Variants in ALDH2 observed in about 807,000 individuals in gnomAD.
ALDH2 encodes the protein aldehyde dehydrogenase, mitochondrial.
A neutral mutation model predicts 59.6 loss-of-function variants in ALDH2; 44 were observed. The observed-to-expected ratio is 0.74, with a 90% CI of 0.58 to 0.95. The LOEUF (loss-of-function observed/expected upper bound fraction) is 0.95. ALDH2 is among the 40% of genes least tolerant of loss of function. The pLI is 0.00. For synonymous variants in ALDH2, 291 were observed against 284.0 expected, an observed-to-expected ratio of 1.02 and a Z score of -0.25; for missense variants, 570 against 696.3, an observed-to-expected ratio of 0.82 and a Z score of 2.04.
At chr12:111,770,892 C>G (rs1848495623) in intron 1 of ALDH2, among the ~76,000 whole-genome samples, 1 of 152,024 alleles carries the variant, frequency 6.6e-6, no homozygotes, top group African/African-American at 2.4e-5. Flanking sequence ...CTCAGGTGAT[C>G]CACCTGCCCT....
chr12:111,784,880 T>C (rs2068298377), intron 3 of ALDH2, among the ~76,000 whole-genome samples: 1 of 152,152 alleles, frequency 6.6e-6, no homozygotes, highest in African/African-American at 2.4e-5. Context: ...TAGCTGCAAG[T>C]CACTACATCC....
intron 4 of ALDH2, among the ~76,000 whole-genome samples, chr12:111,789,051 T>C (rs557590013): frequency 2.1e-5 from 3 of 141,560 alleles, no homozygotes; most frequent in Non-Finnish European, 4.6e-5. Context: ...AGAGTCTCGC[T>C]CTGTTGCCCA....
At chr12:111,805,675 A>G (rs187785074) in intron 12 of ALDH2, among the ~76,000 whole-genome samples, 29 of 152,184 alleles carry the variant, frequency 1.9e-4, no homozygotes, top group Admixed American at 1.2e-3. Flanking sequence ...TTGAAGAGTC[A>G]TGTTCGCCAA....
intron 1 of ALDH2, among the ~76,000 whole-genome samples, chr12:111,779,843 C>T (rs941439024): frequency 4.6e-5 from 7 of 152,226 alleles, no homozygotes; most frequent in Non-Finnish European, 2.9e-5. Context: ...CCAAGACCAT[C>T]GCCCAGTGCC....
At chr12:111,767,286 A>G (rs2136004250) in intron 1 of ALDH2, among the ~76,000 whole-genome samples, 190 bp downstream of exon 1, 1 of 152,184 alleles carries the variant, frequency 6.6e-6, no homozygotes. Flanking sequence ...CGCCTCTGAC[A>G]GTCCCCGTCC....
chr12:111,802,715 C>A (rs1295348392), intron 11 of ALDH2, among the ~76,000 whole-genome samples: 2 of 146,626 alleles, frequency 1.4e-5, no homozygotes, highest in Non-Finnish European at 3.0e-5. Flanking sequence ...CCCGTTTCTA[C>A]TAAAAATACA....
At chr12:111,805,883 C>T (rs1378497853) in intron 12 of ALDH2, among the ~76,000 whole-genome samples, 2 of 151,426 alleles carry the variant, frequency 1.3e-5, no homozygotes, top group Non-Finnish European at 1.5e-5. Flanking sequence ...ATTAGCTGGG[C>T]GTGGCGGCAC....
intron 1 of ALDH2, among the ~76,000 whole-genome samples, chr12:111,777,999 T>C (rs1332218417): frequency 1.3e-5 from 2 of 152,204 alleles, no homozygotes; most frequent in Non-Finnish European, 2.9e-5. Flanking sequence ...ATAGAGATTA[T>C]GCGGAACAAA....
At chr12:111,807,554 G>A (rs1414676738) in intron 12 of ALDH2, among the ~76,000 whole-genome samples, 1 of 152,204 alleles carries the variant, frequency 6.6e-6, no homozygotes, top group African/African-American at 2.4e-5. Flanking sequence ...AGGAGGCGAT[G>A]TCCAGGATGG....
At chr12:111,777,546 C>T (rs1450644940) in intron 1 of ALDH2, among the ~76,000 whole-genome samples, 1 of 152,162 alleles carries the variant, frequency 6.6e-6, no homozygotes, top group Admixed American at 6.6e-5. Context: ...GCCTGTGCTA[C>T]AGGGGGAAGG....
intron 1 of ALDH2, among the ~76,000 whole-genome samples, 178 bp downstream of exon 1, chr12:111,767,274 G>T (rs1486186869): frequency 2.0e-5 from 3 of 152,112 alleles, no homozygotes; most frequent in Non-Finnish European, 4.4e-5. Context: ...TAGCCCCTTC[G>T]CCGCCTCTGA....
chr12:111,786,535 G>A (rs1352916826), intron 4 of ALDH2, among the ~76,000 whole-genome samples: 3 of 148,616 alleles, frequency 2.0e-5, no homozygotes, highest in African/African-American at 7.5e-5. Flanking sequence ...CACGCCTGGC[G>A]ATTGATTGAT....
At chr12:111,768,694 ATTAG>A (rs1256982802) in intron 1 of ALDH2, among the ~76,000 whole-genome samples, 2 of 151,040 alleles carry the variant, frequency 1.3e-5, no homozygotes, top group African/African-American at 4.9e-5. Flanking sequence ...AAAAAAGTAA[ATTAG>A]TTAGGTGCGG....
rs2068541604 is a variant in ALDH2, at chr12:111,812,305, G to A, written c.*2730G>A. The A allele has an allele frequency of 6.6e-6, 1 of 152,108 alleles. No homozygotes were observed. The highest frequency in any genetic ancestry group is 6.6e-5 in the Admixed American group (1 of 15,242). 9.4% of individuals were successfully genotyped at this position (152,108 alleles called of 1,614,324 possible). A position where few individuals can be genotyped will look rare whatever the true frequency, so the allele number is the denominator to read the frequency against. On this transcript the variant is annotated 3_prime_UTR_variant, in exon 13 of 13. Coordinates refer to ENST00000261733, the MANE Select transcript of ALDH2 (RefSeq NM_000690.4). ...GATATTCATATATAATCATGTCTGT[G>A]ATCTAGATCTAGTATAACTCTTGTT...
At chr12:111,790,695 G>A in intron 6 of ALDH2, 133 bp downstream of exon 6, 1 of 1,213,488 alleles carries the variant, frequency 8.2e-7, no homozygotes, top group Non-Finnish European at 1.2e-6. Flanking sequence ...ATGTGAACCA[G>A]AGTGGCTCCC....
At chr12:111,792,275 C>T in intron 8 of ALDH2, 112 bp downstream of exon 8, 2 of 867,466 alleles carry the variant, frequency 2.3e-6, no homozygotes, top group Non-Finnish European at 3.6e-6. Flanking sequence ...GGTTGCTGTC[C>T]CTCGGGCCTC....
rs1178829944 is a variant in ALDH2 at position 111,812,158 on chromosome 12, ACT to A, written c.*2584_*2585del. 1 of 152,280 alleles carries A rather than the reference ACT, an allele frequency of 6.6e-6. No homozygotes were observed. The highest frequency in any genetic ancestry group is 1.5e-5 in the Non-Finnish European group (1 of 68,154). The allele number at this position is 152,280 out of a possible 1,614,324, so 9.4% of individuals were successfully genotyped here. A position where few individuals can be genotyped will look rare whatever the true frequency, so the allele number is the denominator to read the frequency against. On this transcript the variant is annotated 3_prime_UTR_variant, in exon 13 of 13. Coordinates refer to ENST00000261733, the MANE Select transcript of ALDH2 (RefSeq NM_000690.4). ...TTTTAGTACTTTCACTAATTTTGCT[ACT>A]GTTATCTAAAAGGCAGAGCCAGGTG...
chr12:111,809,455 T>G (rs1593091072), intron 12 of ALDH2, 88 bp from the exon 13 acceptor site: 1 of 1,451,478 alleles, frequency 6.9e-7, no homozygotes. Context: ...AAGCCCTTTC[T>G]GCTCACACTT....
chr12:111,801,340 C>T (rs2068449899), intron 11 of ALDH2, among the ~76,000 whole-genome samples: 1 of 152,132 alleles, frequency 6.6e-6, no homozygotes, highest in Admixed American at 6.5e-5. Flanking sequence ...GGGGACAAAG[C>T]CAAGCCATAT....
Sources: gnomAD v4.1 joint callset for allele counts (sites outside exome capture counted in the v4.1 genomes callset) on GRCh38, gnomAD v4.1.1 for gene constraint, MANE v1.5 for transcripts, NCBI Gene and HGNC (gene_info 2026-07-23, HGNC 2026-07-21) for gene names.